The following SPARCL1 variants were observed in gnomAD, a reference collection of about 807,000 sequenced individuals.
SPARCL1 encodes SPARC like 1.
SPARCL1 carries 52 observed loss-of-function variants against 67.1 expected under a neutral mutation model. The ratio of observed to expected loss-of-function variants is 0.78; its 90% CI spans 0.62 to 0.98. The LOEUF is 0.98. Ranked by LOEUF, SPARCL1 falls within the 50% of genes least tolerant of loss-of-function variation. The probability of loss-of-function intolerance (pLI) is 0.00; values close to 1 mark genes in which losing one functional copy is unlikely to be tolerated. For synonymous variants in SPARCL1, 226 were observed against 267.8 expected (o/e 0.84, Z 1.52); for missense variants, 717 against 782.4 (o/e 0.92, Z 1.00).
At chr4:87,505,351 T>C (rs1300677817) in intron 1 of SPARCL1, among the ~76,000 whole-genome samples, 1 of 152,112 alleles carries the variant, frequency 6.6e-6, no homozygotes, top group Non-Finnish European at 1.5e-5. Flanking sequence ...TATATGGTAA[T>C]TCATGCTTAA....
At chr4:87,478,453 T>C (rs1005792560) in intron 10 of SPARCL1, among the ~76,000 whole-genome samples, 9 of 151,796 alleles carry the variant, frequency 5.9e-5, no homozygotes, top group African/African-American at 2.2e-4. Flanking sequence ...TTTTTTTTTT[T>C]TTGAGACCGA....
chr4:87,501,120 A>T (rs1724825335), intron 1 of SPARCL1, among the ~76,000 whole-genome samples: 1 of 152,242 alleles, frequency 6.6e-6, no homozygotes, highest in African/African-American at 2.4e-5. Context: ...CAACAGAGCT[A>T]CATCAACAAC....
chr4:87,488,352 C>G (rs2110221529), intron 7 of SPARCL1, among the ~76,000 whole-genome samples: 1 of 152,320 alleles, frequency 6.6e-6, no homozygotes, highest in African/African-American at 2.4e-5. Flanking sequence ...AGAGGCCCCT[C>G]TGCTGCAGGT....
Position 87,473,583 on chromosome 4 carries a change from T to A in SPARCL1, c.*192A>T. The A allele has an allele frequency of 4.3e-6, 2 of 460,474 alleles. No individual in the cohort carries two copies. The highest frequency in any genetic ancestry group is 7.7e-6 in the Non-Finnish European group (2 of 258,110). The allele number at this position is 460,474 out of a possible 1,614,324, so 28.5% of individuals were successfully genotyped here. ...TGCATATGTTGACTTTACTTAATTG[T>A]ACATTTTTGTTTCCAAAGTTAATGT... On this transcript the variant is annotated 3_prime_UTR_variant, in exon 11 of 11. Transcript: ENST00000282470.
At chr4:87,519,409 C>T (rs1367894604) in intron 1 of SPARCL1, among the ~76,000 whole-genome samples, 1 of 152,112 alleles carries the variant, frequency 6.6e-6, no homozygotes, top group East Asian at 1.9e-4. Flanking sequence ...TTAGATAACT[C>T]AAGTTGAATC....
chr4:87,475,002 A>G (rs1395450566), intron 10 of SPARCL1, among the ~76,000 whole-genome samples: 1 of 151,944 alleles, frequency 6.6e-6, no homozygotes, highest in Non-Finnish European at 1.5e-5. Flanking sequence ...TCAGCCTCCC[A>G]AAGTGCTGGG....
At chr4:87,499,241 C>T (rs1317342050) in intron 2 of SPARCL1, among the ~76,000 whole-genome samples, 1 of 152,124 alleles carries the variant, frequency 6.6e-6, no homozygotes, top group African/African-American at 2.4e-5. Flanking sequence ...CTTCCTGTCT[C>T]TTGTGTATTT....
At chr4:87,479,317 T>C in intron 10 of SPARCL1, 113 bp downstream of exon 10, 3 of 1,184,094 alleles carry the variant, frequency 2.5e-6, no homozygotes, top group Non-Finnish European at 3.6e-6. Flanking sequence ...GCCACCTTTT[T>C]TTTTCTAGCT....
intron 1 of SPARCL1, among the ~76,000 whole-genome samples, chr4:87,503,683 C>T (rs10027069): frequency 0.49 from 67,208 of 137,786 alleles, 17,436 homozygotes; most frequent in East Asian, 0.74. Flanking sequence ...TTTTTTTTTC[C>T]TTTTTTTTTT....
At chr4:87,492,433 A>T (rs966658270) in intron 4 of SPARCL1, among the ~76,000 whole-genome samples, 6 of 150,994 alleles carry the variant, frequency 4.0e-5, no homozygotes, top group African/African-American at 1.5e-4. Context: ...AAAAAAAAAA[A>T]GAAAAAAGAA....
chr4:87,477,649 G>T (rs1453675474), intron 10 of SPARCL1, among the ~76,000 whole-genome samples: 1 of 152,202 alleles, frequency 6.6e-6, no homozygotes, highest in Non-Finnish European at 1.5e-5. Flanking sequence ...GGATACTGAA[G>T]GCTCCTGCAA....
chr4:87,506,884 T>TA (rs1725108920), intron 1 of SPARCL1, among the ~76,000 whole-genome samples: 1 of 152,150 alleles, frequency 6.6e-6, no homozygotes, highest in Non-Finnish European at 1.5e-5. Flanking sequence ...GAACCTTGAC[T>TA]AATAAAACAT....
intron 7 of SPARCL1, among the ~76,000 whole-genome samples, chr4:87,483,497 T>G (rs1723917981): frequency 6.6e-6 from 1 of 152,194 alleles, no homozygotes; most frequent in Non-Finnish European, 1.5e-5. Context: ...TGATGGGCAT[T>G]TTGGTTGGTT....
rs778899328 is a variant in SPARCL1, at chr4:87,491,652, C to T, written c.1257G>A (p.Thr419=). ...GCACCCTCATGTTGCCTTCACTTGA[C>T]GTTTCCTCCTCATTTGATGAGTTCT... ...KAENSSNEEE[T]SSEGNMRVHA... Residue 419 remains threonine (T), a synonymous_variant, in exon 5 of 11, where the codon ACG becomes ACA. Coordinates refer to ENST00000282470, the MANE Select transcript of SPARCL1 (RefSeq NM_004684.6). The T allele has an allele frequency of 3.0e-5, 49 of 1,613,808 alleles. No homozygotes were observed. The East Asian group carries it at 3.6e-4, about 12-fold the overall frequency.
At chr4:87,506,568 T>G (rs1725080663) in intron 1 of SPARCL1, among the ~76,000 whole-genome samples, 1 of 152,186 alleles carries the variant, frequency 6.6e-6, no homozygotes, top group Non-Finnish European at 1.5e-5. Flanking sequence ...ATTGATATTC[T>G]GCTGTTGGAT....
intron 1 of SPARCL1, among the ~76,000 whole-genome samples, chr4:87,511,982 T>TTTTTTTA (rs1725381279): frequency 6.7e-5 from 10 of 149,806 alleles, no homozygotes; most frequent in Non-Finnish European, 8.9e-5. Flanking sequence ...TTTTTTTTTT[T>TTTTTTTA]GAGACAGAGT....
Position 87,482,418 on chromosome 4 carries a change from A to G in SPARCL1, c.1668+6T>C. Reference sequence around the variant, plus strand: ...CATTGAAGAAGCTAACCTGTGGATAACTTACTTTATTTCTCTGCTTCTCAT... The same window carrying G: ...CATTGAAGAAGCTAACCTGTGGATAGCTTACTTTATTTCTCTGCTTCTCAT... On this transcript the variant is annotated splice_donor_region_variant and intron_variant, in intron 8 of 10. Transcript: ENST00000282470. 5 of 1,612,768 alleles carry G rather than the reference A, an allele frequency of 3.1e-6. No individual in the cohort carries two copies. The highest frequency in any genetic ancestry group is 4.2e-6 in the Non-Finnish European group (5 of 1,179,752).
chr4:87,514,288 G>A (rs905531382), intron 1 of SPARCL1, among the ~76,000 whole-genome samples: 5 of 152,196 alleles, frequency 3.3e-5, no homozygotes, highest in African/African-American at 9.7e-5. Flanking sequence ...ATCGAATGCT[G>A]AGAATCCTGG....
rs375303490 is a variant in SPARCL1, at chr4:87,504,516, A to G, written c.-11-4931T>C. ...CTTATTTGATCTTTACAACAACCCC[A>G]GGATGTGGCAGATGAAGAACAGGCC... On this transcript the variant is annotated intron_variant, in intron 1 of 10. Transcript: ENST00000282470. 7.9e-5 allele frequency among the ~76,000 whole-genome samples: 12 copies of G among 152,304 alleles called. No homozygotes were observed. In the East Asian group the frequency reaches 1.9e-3, roughly 25 times the overall value.
Sources: gnomAD v4.1 joint callset for allele counts (sites outside exome capture counted in the v4.1 genomes callset) on GRCh38, gnomAD v4.1.1 for gene constraint, MANE v1.5 for transcripts, NCBI Gene and HGNC (gene_info 2026-07-23, HGNC 2026-07-21) for gene names.